Variants in NDUFAF6 observed in about 807,000 individuals in gnomAD.
The protein encoded by NDUFAF6 is NADH:ubiquinone oxidoreductase complex assembly factor 6.
NDUFAF6 carries 45 observed loss-of-function variants against 40.8 expected under a neutral mutation model. The ratio of observed to expected loss-of-function variants is 1.10; its 90% CI spans 0.87 to 1.42. The LOEUF (loss-of-function observed/expected upper bound fraction) is 1.42, where lower values mean the gene tolerates loss of function less well. Ranked by LOEUF, NDUFAF6 falls within the 40% of genes most tolerant of loss-of-function variation. The pLI is 0.00. For missense variants in NDUFAF6, 435 were observed against 418.5 expected, an observed-to-expected ratio of 1.04 and a Z score of -0.34; for synonymous variants, 185 against 155.9, an observed-to-expected ratio of 1.19 and a Z score of -1.39.
intron 1 of NDUFAF6, among the ~76,000 whole-genome samples, chr8:94,973,000 C>T (rs138603130): frequency 5.5e-4 from 83 of 152,046 alleles, no homozygotes; most frequent in African/African-American, 1.9e-3. Context: ...TTGCTTGAGC[C>T]CAGGAGTTCG....
Position 95,057,896 on chromosome 8 carries a change from C to T in NDUFAF6, c.961C>T (p.Pro321Ser). 6.4e-7 allele frequency: 1 copy of T among 1,569,156 alleles called. No individual in the cohort carries two copies. The highest frequency in any genetic ancestry group is 8.8e-7 in the Non-Finnish European group (1 of 1,139,700). The change falls in exon 9 of 9, where the codon CCA becomes TCA. Residue 321 changes from proline to serine, a missense_variant. Transcript: ENST00000396124. ...TTTACAGCAGAAGAATACATTACTT[C>T]CATTATATTTGTATATTCAGTCATG... ...PSLQQKNTLL[P>S]LYLYIQSWRK...
At chr8:95,089,124 G>A (rs1188386835) in intron 2 of NDUFAF6, among the ~76,000 whole-genome samples, 1 of 147,410 alleles carries the variant, frequency 6.8e-6, no homozygotes, top group Non-Finnish European at 1.5e-5. Context: ...GCAGTGGTGC[G>A]ATCTCCGCCC....
intron 2 of NDUFAF6, among the ~76,000 whole-genome samples, chr8:95,017,134 G>T (rs1172313764): frequency 3.5e-5 from 5 of 144,900 alleles, no homozygotes; most frequent in Non-Finnish European, 7.5e-5. Flanking sequence ...GGGACATGGG[G>T]TTTCACCATG....
At chr8:95,071,118 C>T (rs1014326964) in intron 9 of NDUFAF6, among the ~76,000 whole-genome samples, 9 of 151,948 alleles carry the variant, frequency 5.9e-5, no homozygotes, top group South Asian at 2.1e-4. Context: ...CGGCCGGGCG[C>T]GGTGGCTCAA....
chr8:95,031,065 C>T (rs774790257), intron 1 of NDUFAF6, among the ~76,000 whole-genome samples: 5 of 152,230 alleles, frequency 3.3e-5, no homozygotes, highest in Non-Finnish European at 7.3e-5. Flanking sequence ...GACCCAAATA[C>T]CTCCCACTAG....
intron 1 of NDUFAF6, among the ~76,000 whole-genome samples, chr8:94,964,405 G>T (rs1478390407): frequency 6.8e-6 from 1 of 148,136 alleles, no homozygotes; most frequent in African/African-American, 2.5e-5. Context: ...CTCCAGCCTG[G>T]GCAACAGAGA....
chr8:95,089,989 C>T (rs1019418949), intron 2 of NDUFAF6, among the ~76,000 whole-genome samples: 14 of 152,176 alleles, frequency 9.2e-5, no homozygotes, highest in Non-Finnish European at 2.9e-5. Flanking sequence ...TCCTCTACCC[C>T]AGGTCCTTCC....
At chr8:94,939,047 G>A (rs968175766) in intron 1 of NDUFAF6, among the ~76,000 whole-genome samples, 2 of 152,158 alleles carry the variant, frequency 1.3e-5, no homozygotes, top group Non-Finnish European at 2.9e-5. Flanking sequence ...CTGTTTGCCT[G>A]GTGTGTGGAA....
chr8:95,017,978 T>A (rs1827534854), intron 2 of NDUFAF6, among the ~76,000 whole-genome samples: 1 of 152,222 alleles, frequency 6.6e-6, no homozygotes, highest in South Asian at 2.1e-4. Context: ...ATATGGAGAA[T>A]AAGATAATGT....
chr8:95,101,720 A>C (rs993750052), intron 2 of NDUFAF6, among the ~76,000 whole-genome samples: 1 of 152,216 alleles, frequency 6.6e-6, no homozygotes, highest in African/African-American at 2.4e-5. Flanking sequence ...TGTTATCTTA[A>C]TTGTTCATTC....
intron 2 of NDUFAF6, among the ~76,000 whole-genome samples, chr8:95,002,366 T>C (rs747027785): frequency 7.2e-4 from 109 of 152,130 alleles, no homozygotes; most frequent in Non-Finnish European, 6.6e-4. Context: ...CAGAAATGAG[T>C]CTCACCTCTC....
chr8:94,906,445 C>G (rs1312786454), intron 1 of NDUFAF6, among the ~76,000 whole-genome samples: 2 of 152,208 alleles, frequency 1.3e-5, no homozygotes, highest in Admixed American at 1.3e-4. Context: ...CCACCACTCA[C>G]CAGCAGGGCT....
chr8:94,897,859 A>G (rs1024313966), intron 1 of NDUFAF6, among the ~76,000 whole-genome samples: 1 of 152,064 alleles, frequency 6.6e-6, no homozygotes, highest in Non-Finnish European at 1.5e-5. Context: ...TCATCTTTTT[A>G]TAGCCAGTAT....
At chr8:95,089,954 G>A (rs1587262426) in intron 2 of NDUFAF6, among the ~76,000 whole-genome samples, 1 of 152,112 alleles carries the variant, frequency 6.6e-6, no homozygotes, top group East Asian at 1.9e-4. Context: ...CCTACTGTTT[G>A]GATAAATATC....
chr8:94,896,591 C>A (rs900599420), intron 1 of NDUFAF6: 2 of 152,094 alleles, frequency 1.3e-5, no homozygotes, highest in African/African-American at 4.8e-5. Context: ...GTCTCGGAAC[C>A]CGCGGTAGCT....
At chr8:95,054,406 C>A (rs540970287) in intron 8 of NDUFAF6, among the ~76,000 whole-genome samples, 1 of 149,410 alleles carries the variant, frequency 6.7e-6, no homozygotes, top group African/African-American at 2.5e-5. Flanking sequence ...ATCAGAAACT[C>A]GGGGGGTGGG....
At chr8:94,954,226 C>A (rs537319130), upstream of NDUFAF6, among the ~76,000 whole-genome samples, 191 of 152,250 alleles carry the variant, frequency 1.3e-3, no homozygotes, top group African/African-American at 4.3e-3. Context: ...CCAAGCCCAG[C>A]TAATTTTCGT....
chr8:94,977,972 G>A (rs1449375356), intron 1 of NDUFAF6, among the ~76,000 whole-genome samples: 1 of 152,128 alleles, frequency 6.6e-6, no homozygotes, highest in Non-Finnish European at 1.5e-5. Context: ...AATGACAGGG[G>A]TGCTAGGTAC....
At chr8:94,922,026 G>A (rs560825112) in intron 1 of NDUFAF6, among the ~76,000 whole-genome samples, 8 of 151,724 alleles carry the variant, frequency 5.3e-5, no homozygotes, top group Non-Finnish European at 1.0e-4. Context: ...TTTTTGAGAC[G>A]GAGTCTCACT....
Sources: gnomAD v4.1 joint callset for allele counts (sites outside exome capture counted in the v4.1 genomes callset) on GRCh38, gnomAD v4.1.1 for gene constraint, MANE v1.5 for transcripts, NCBI Gene and HGNC (gene_info 2026-07-23, HGNC 2026-07-21) for gene names.